PIK3CB: variants seen among roughly 807,000 people sequenced by gnomAD.
PIK3CB encodes phosphatidylinositol-4,5-bisphosphate 3-kinase catalytic subunit beta, also known as phosphatidylinositol 4,5-bisphosphate 3-kinase catalytic subunit beta isoform.
PIK3CB carries 39 observed loss-of-function variants against 136.8 expected under a neutral mutation model. The ratio of observed to expected loss-of-function variants is 0.29; its 90% CI spans 0.22 to 0.37. The LOEUF (loss-of-function observed/expected upper bound fraction) is 0.37. PIK3CB is among the 10% of genes least tolerant of loss of function. The pLI, the probability that PIK3CB is intolerant of heterozygous loss-of-function variation, is 1.00. For missense variants in PIK3CB, 868 were observed against 1,275.4 expected (o/e 0.68, Z 4.87); for synonymous variants, 428 against 436.6 (o/e 0.98, Z 0.25).
intron 8 of PIK3CB, among the ~76,000 whole-genome samples, chr3:138,718,952 T>C (rs892097620): frequency 1.3e-5 from 2 of 152,152 alleles, no homozygotes; most frequent in African/African-American, 4.8e-5. Flanking sequence ...CATTTGGGTT[T>C]TTCTCCCTCT....
intron 2 of PIK3CB, among the ~76,000 whole-genome samples, chr3:138,774,867 T>C (rs966373470): frequency 1.3e-5 from 2 of 152,234 alleles, no homozygotes. Context: ...AAATAAGTCA[T>C]AATATGTAAA....
Position 138,714,665 on chromosome 3 carries a change from C to T in PIK3CB, c.1105G>A (p.Val369Ile), listed in dbSNP as rs759331142. 6.2e-6 allele frequency: 10 copies of T among 1,612,446 alleles called. No homozygotes were observed. Among genetic ancestry groups the T allele is most frequent in the Non-Finnish European group, 7.6e-6 (9 of 1,178,604 alleles). The change falls in exon 9 of 24, where the codon GTA (valine) becomes ATA (isoleucine). Residue 369 changes from valine (V) to isoleucine (I), a missense_variant. Val to Ile is a conservative substitution (Grantham distance 29). Around this residue, in one of 4 missense-constraint regions of PIK3CB, gnomAD observed 612 missense variants for 801.1 expected, o/e 0.76. Transcript: ENST00000674063. Reference sequence around the variant, plus strand: ...TTTTTCCCTGATACCTCTGAGCTTACGATGGTTTTACACAGGAGCTCAGTA... The same window carrying T: ...TTTTTCCCTGATACCTCTGAGCTTATGATGGTTTTACACAGGAGCTCAGTA... Reference protein sequence around the residue: ...HGTELLCKTIVSSEVSGKNDH... With the variant: ...HGTELLCKTIISSEVSGKNDH...
rs763182882 is a variant in PIK3CB, at chr3:138,656,304, A to G, written c.2943-30T>C. ...GGGTGATGCAGCAAACCACATGAGC[A>G]CAGTGTTAGAGGGGAGAGAGCACAT... is the stretch of plus-strand genomic sequence containing the variant. On this transcript the variant is annotated intron_variant, in intron 22 of 23. Transcript: ENST00000674063. 3.1e-6 allele frequency: 5 copies of G among 1,613,456 alleles called. No individual in the cohort carries two copies. In the African/African-American group the frequency reaches 6.7e-5, roughly 22 times the overall value.
chr3:138,700,818 T>G (rs2044236801), intron 12 of PIK3CB, among the ~76,000 whole-genome samples: 1 of 151,992 alleles, frequency 6.6e-6, no homozygotes, highest in South Asian at 2.1e-4. Context: ...AAAGCAAGAT[T>G]TAAAATTGGC....
chr3:138,828,346 C>T (rs1373236420), intron 1 of PIK3CB, among the ~76,000 whole-genome samples: 1 of 151,282 alleles, frequency 6.6e-6, no homozygotes, highest in Non-Finnish European at 1.5e-5. Flanking sequence ...CCACCACGCC[C>T]GGCTAATTTT....
At chr3:138,695,931 A>ATTTTTTTTTTTTTT (rs34470924) in intron 13 of PIK3CB, among the ~76,000 whole-genome samples, 3 of 90,812 alleles carry the variant, frequency 3.3e-5, no homozygotes, top group African/African-American at 1.3e-4. Context: ...AATTTTTTGT[A>ATTTTTTTTTTTTTT]TTTTTTTTTT....
intron 8 of PIK3CB, among the ~76,000 whole-genome samples, chr3:138,718,479 G>C (rs1409955493): frequency 6.6e-6 from 1 of 152,082 alleles, no homozygotes; most frequent in Non-Finnish European, 1.5e-5. Context: ...TGTTTACTCT[G>C]TTGATAGGTT....
intron 8 of PIK3CB, among the ~76,000 whole-genome samples, chr3:138,726,200 C>A (rs2108618296): frequency 6.6e-6 from 1 of 152,344 alleles, no homozygotes; most frequent in Non-Finnish European, 1.5e-5. Flanking sequence ...AAGAGCAGAT[C>A]CTCATATGCA....
At chr3:138,828,184 CTTTTT>C (rs1176715980) in intron 1 of PIK3CB, among the ~76,000 whole-genome samples, 2 of 131,080 alleles carry the variant, frequency 1.5e-5, no homozygotes, top group African/African-American at 2.8e-5. Context: ...ATTAAATTTC[CTTTTT>C]TTTTTTTTTT....
chr3:138,721,170 T>G (rs2044717914), intron 8 of PIK3CB, among the ~76,000 whole-genome samples: 1 of 152,098 alleles, frequency 6.6e-6, no homozygotes, highest in African/African-American at 2.4e-5. Context: ...TCCTTAAGTT[T>G]TTTTTTTTTG....
intron 8 of PIK3CB, among the ~76,000 whole-genome samples, chr3:138,730,986 C>G (rs191811926): frequency 2.0e-5 from 3 of 152,248 alleles, no homozygotes; most frequent in African/African-American, 7.2e-5. Flanking sequence ...CTACTATTTA[C>G]TAATCCAGAG....
intron 4 of PIK3CB, among the ~76,000 whole-genome samples, chr3:138,747,775 T>G (rs757165146): frequency 2.6e-4 from 40 of 152,138 alleles, no homozygotes; most frequent in Non-Finnish European, 5.7e-4. Flanking sequence ...TTGTCACAAA[T>G]CTCAAAAAAA....
chr3:138,720,228 C>T (rs2044698776), intron 8 of PIK3CB, among the ~76,000 whole-genome samples: 1 of 152,138 alleles, frequency 6.6e-6, no homozygotes, highest in East Asian at 1.9e-4. Context: ...ACGATGCCAC[C>T]CTGAATTTGA....
Position 138,755,953 on chromosome 3 carries a change from G to A in PIK3CB, c.198C>T (p.Tyr66=), listed in dbSNP as rs2108722267. 1 of 1,606,052 alleles carries A rather than the reference G, an allele frequency of 6.2e-7. No individual in the cohort carries two copies. The highest frequency in any genetic ancestry group is 1.1e-5 in the South Asian group (1 of 90,070). The change falls in exon 4 of 24, where the codon TAC becomes TAT. Residue 66 remains tyrosine, a synonymous_variant. Transcript: ENST00000674063. ...TATCCATAAGGAGGTTGAACATTGG[G>A]TAATTGTGAACTTGCTTCCATAACA... ...KQMLWKQVHN[Y]PMFNLLMDID...
chr3:138,774,692 GTAAC>G (rs1436047706), intron 2 of PIK3CB, among the ~76,000 whole-genome samples: 1 of 152,194 alleles, frequency 6.6e-6, no homozygotes, highest in African/African-American at 2.4e-5. Flanking sequence ...GTGCTGGTGA[GTAAC>G]TAACCAACAG....
At chr3:138,733,491 C>A (rs971741752) in intron 7 of PIK3CB, 53 bp from the exon 8 acceptor site, 7 of 904,398 alleles carry the variant, frequency 7.7e-6, no homozygotes, top group Non-Finnish European at 1.2e-5. Flanking sequence ...AATGAATATT[C>A]TATGCTAGCA....
At chr3:138,778,049 AT>A in intron 2 of PIK3CB, 1 of 359,464 alleles carries the variant, frequency 2.8e-6, no homozygotes, top group South Asian at 2.2e-5. Context: ...TACCATAACC[AT>A]TTTCTAGGAG....
At position 138,683,768 on chromosome 3, in the gene PIK3CB, T is replaced by G; in HGVS notation, c.2335A>C (p.Met779Leu). ...CACAAAGGCTTCATTTTGGAATCCA[T>G]GTATTTGCACTTTTCAACACTGAAA... ...SELYVEKCKY[M>L]DSKMKPLWLV... Residue 779 changes from methionine to leucine, a missense_variant, in exon 18 of 24, where the codon ATG becomes CTG. By Grantham distance (15) the Met-to-Leu change is conservative. Coordinates refer to ENST00000674063, the MANE Select transcript of PIK3CB (RefSeq NM_006219.3). The G allele has an allele frequency of 5.0e-6, 8 of 1,596,214 alleles. No individual in the cohort carries two copies. The highest frequency in any genetic ancestry group is 6.9e-6 in the Non-Finnish European group (8 of 1,164,044).
rs966921144 is a variant in PIK3CB, at chr3:138,778,233, T to C, written c.-17+18230A>G. ...CCATGTTTGTAATGGGCATGAACCA[T>C]GAAAAGTAAAAAAACACCTCGCAAT... On this transcript the variant is annotated intron_variant, in intron 2 of 23. Coordinates refer to ENST00000674063, the MANE Select transcript of PIK3CB (RefSeq NM_006219.3). 55 of 447,564 alleles carry C rather than the reference T, an allele frequency of 1.2e-4. 1 individual carries two copies. The highest frequency in any genetic ancestry group is 8.5e-4 in the South Asian group (54 of 63,494). 27.7% of individuals were successfully genotyped at this position (447,564 alleles called of 1,614,324 possible).
Sources: gnomAD v4.1 joint callset for allele counts (sites outside exome capture counted in the v4.1 genomes callset) on GRCh38, gnomAD v4.1.1 for gene constraint, gnomAD v4.1.1 regional missense constraint, MANE v1.5 for transcripts, NCBI Gene and HGNC (gene_info 2026-07-23, HGNC 2026-07-21) for gene names.